Variants in PGCKA1 observed in about 807,000 individuals in gnomAD.
The protein encoded by PGCKA1 is PDCD10 and GCKIII kinases associated 1, also known as PDCD10 and GCKIII kinases-associated protein 1.
At chr4:37,545,146 G>A in the PGCKA1 span, among the ~76,000 whole-genome samples, 10 of 152,204 alleles carry the variant, frequency 6.6e-5, no homozygotes, top group Middle Eastern at 6.8e-3. Flanking sequence ...CTGAGCCACC[G>A]CGCCTGGCCA....
At chr4:37,524,201 G>A in the PGCKA1 span, among the ~76,000 whole-genome samples, 22 of 152,332 alleles carry the variant, frequency 1.4e-4, no homozygotes, top group Admixed American at 2.0e-4. Flanking sequence ...ATCTATTGCT[G>A]TATAATCTGT....
the PGCKA1 span, among the ~76,000 whole-genome samples, chr4:37,477,634 G>A: frequency 2.0e-5 from 3 of 152,130 alleles, no homozygotes; most frequent in African/African-American, 7.2e-5. Flanking sequence ...AAACTTAAAA[G>A]TTTTTAGACA....
the PGCKA1 span, chr4:37,590,034 A>G: frequency 1.5e-5 from 19 of 1,302,494 alleles, no homozygotes; most frequent in Non-Finnish European, 2.0e-5. Context: ...GGCCTGTGGT[A>G]AAAAGCATTA....
the PGCKA1 span, among the ~76,000 whole-genome samples, chr4:37,480,230 C>T: frequency 2.6e-5 from 4 of 152,300 alleles, no homozygotes; most frequent in African/African-American, 7.2e-5. Flanking sequence ...CCGTGGCTCA[C>T]GCCTGTAATC....
the PGCKA1 span, among the ~76,000 whole-genome samples, chr4:37,456,497 GA>G: frequency 6.6e-6 from 1 of 152,220 alleles, no homozygotes; most frequent in Non-Finnish European, 1.5e-5. Context: ...AGGCATTGTA[GA>G]AAAGATGTTC....
At chr4:37,571,620 C>T in the PGCKA1 span, among the ~76,000 whole-genome samples, 2 of 152,066 alleles carry the variant, frequency 1.3e-5, no homozygotes, top group African/African-American at 2.4e-5. Context: ...TCACTGCAAG[C>T]TCCACCTCCC....
At chr4:37,457,888 A>G in the PGCKA1 span, among the ~76,000 whole-genome samples, 6 of 152,208 alleles carry the variant, frequency 3.9e-5, no homozygotes, top group African/African-American at 9.7e-5. Flanking sequence ...TATAGTTTCA[A>G]TGTACAGCTC....
chr4:37,509,299 C>T, the PGCKA1 span, among the ~76,000 whole-genome samples: 1 of 111,244 alleles, frequency 9.0e-6, no homozygotes, highest in Admixed American at 8.5e-5. Context: ...GGCTGCTGGG[C>T]GGAGGGGCTC....
At chr4:37,461,248 G>A in the PGCKA1 span, among the ~76,000 whole-genome samples, 12 of 152,122 alleles carry the variant, frequency 7.9e-5, no homozygotes, top group East Asian at 1.9e-4. Flanking sequence ...GTCAGGTAGC[G>A]TGATGCCTCC....
chr4:37,575,764 T>A, the PGCKA1 span, among the ~76,000 whole-genome samples: 1 of 152,196 alleles, frequency 6.6e-6, no homozygotes. Flanking sequence ...CCATTTTGAC[T>A]TGATTTTTAT....
At chr4:37,501,220 C>T in the PGCKA1 span, among the ~76,000 whole-genome samples, 2 of 152,000 alleles carry the variant, frequency 1.3e-5, no homozygotes, top group Non-Finnish European at 2.9e-5. Flanking sequence ...GTCCCCAACC[C>T]ACAGGCCATG....
the PGCKA1 span, among the ~76,000 whole-genome samples, chr4:37,580,583 C>T: frequency 6.6e-6 from 1 of 152,148 alleles, no homozygotes; most frequent in Non-Finnish European, 1.5e-5. Flanking sequence ...ACTGGATTAC[C>T]GGGCAGACTC....
chr4:37,469,451 G>A, the PGCKA1 span, among the ~76,000 whole-genome samples: 1 of 151,916 alleles, frequency 6.6e-6, no homozygotes, highest in Non-Finnish European at 1.5e-5. Context: ...GAGAAAGCGT[G>A]GAAGAGCAGC....
chr4:37,522,563 A>G, the PGCKA1 span, among the ~76,000 whole-genome samples: 4 of 151,764 alleles, frequency 2.6e-5, no homozygotes, highest in African/African-American at 7.3e-5. Context: ...CTTCCTGAGT[A>G]CTCTACCCTC....
chr4:37,585,084 A>G, the PGCKA1 span, among the ~76,000 whole-genome samples: 2 of 132,634 alleles, frequency 1.5e-5, no homozygotes, highest in Non-Finnish European at 3.1e-5. Flanking sequence ...TAAAGAGTCC[A>G]GGATAAACAA....
chr4:37,573,174 A>G, the PGCKA1 span, among the ~76,000 whole-genome samples: 4 of 152,168 alleles, frequency 2.6e-5, no homozygotes, highest in Non-Finnish European at 5.9e-5. Context: ...CATTTTTTGA[A>G]ATGACTTTCA....
chr4:37,527,372 T>C, the PGCKA1 span, among the ~76,000 whole-genome samples: 1 of 152,158 alleles, frequency 6.6e-6, no homozygotes, highest in South Asian at 2.1e-4. Context: ...TAGCCTAGGC[T>C]TCATATTCAC....
At chr4:37,458,124 A>G in the PGCKA1 span, among the ~76,000 whole-genome samples, 2 of 152,226 alleles carry the variant, frequency 1.3e-5, no homozygotes, top group Non-Finnish European at 2.9e-5. Context: ...ACCTTAATTT[A>G]CAGGTGAGGA....
At chr4:37,518,367 C>G in the PGCKA1 span, among the ~76,000 whole-genome samples, 103 of 152,286 alleles carry the variant, frequency 6.8e-4, no homozygotes, top group South Asian at 8.3e-3. Flanking sequence ...ATAGTCGTTG[C>G]ACTAATTTAC....
Sources: gnomAD v4.1 joint callset for allele counts (sites outside exome capture counted in the v4.1 genomes callset) on GRCh38, gnomAD v4.1.1 for gene constraint, MANE v1.5 for transcripts, NCBI Gene and HGNC (gene_info 2026-07-23, HGNC 2026-07-21) for gene names.